NAXD: variants seen among roughly 807,000 people sequenced by gnomAD.
The protein encoded by NAXD is ATP-dependent (S)-NAD(P)H-hydrate dehydratase.
Under a neutral mutation model 35.8 loss-of-function variants are expected in NAXD, and 22 were observed. That is an observed-to-expected ratio of 0.62 (90% CI 0.44 to 0.88). NAXD has a LOEUF of 0.88. Ranked by LOEUF, NAXD falls within the 40% of genes least tolerant of loss-of-function variation. The probability of loss-of-function intolerance (pLI) is 0.00; values close to 1 mark genes in which losing one functional copy is unlikely to be tolerated. For missense variants in NAXD, 428 were observed against 437.7 expected, an observed-to-expected ratio of 0.98 and a Z score of 0.20; for synonymous variants, 189 against 177.6, an observed-to-expected ratio of 1.06 and a Z score of -0.51.
intron 2 of NAXD, among the ~76,000 whole-genome samples, chr13:110,622,718 A>G (rs1566614681): frequency 6.6e-6 from 1 of 152,202 alleles, no homozygotes; most frequent in Non-Finnish European, 1.5e-5. Context: ...TTACTTTGTC[A>G]ATTTAAAGAT....
In NAXD at chr13:110,637,872, C is replaced by T. The variant is rs9588213; in HGVS notation, c.840-506C>T. 1.2e-3 allele frequency: 581 copies of T among 480,992 alleles called. 2 individuals are homozygous for T. Among genetic ancestry groups the T allele is most frequent in the African/African-American group, 9.9e-3 (509 of 51,324 alleles). 29.8% of individuals were successfully genotyped at this position (480,992 alleles called of 1,614,324 possible). A position where few individuals can be genotyped will look rare whatever the true frequency, so the allele number is the denominator to read the frequency against. On this transcript the variant is annotated intron_variant, in intron 9 of 9. Transcript: ENST00000680254. ...TTGCCGGGATGGCAGAGTCTGGGAC[C>T]ATCCCCCAAACTAGGTGTGTCCACA...
rs765214795 is a variant in NAXD, at chr13:110,635,521, C to T, written c.651C>T (p.Ser217=). 5.0e-6 allele frequency: 8 copies of T among 1,614,046 alleles called. No homozygotes were observed. In the Admixed American group the frequency reaches 5.0e-5, roughly 10 times the overall value. The change falls in exon 8 of 10, where the codon AGC becomes AGT. Residue 217 remains serine (S), a synonymous_variant. Coordinates refer to ENST00000680254, the MANE Select transcript of NAXD (RefSeq NM_001242882.2). ...GCCATGGATCTGTGCTAAGACTCAG[C>T]CAAGCCCTGGGCAACGTGACGGTGG... The part of the protein sequence containing the change: ...DDSHGSVLRL[S]QALGNVTVVQ...
chr13:110,638,566 G>A lies in NAXD; in HGVS notation c.*38G>A. The A allele has an allele frequency of 6.2e-7, 1 of 1,609,438 alleles. No individual in the cohort carries two copies. The highest frequency in any genetic ancestry group is 8.5e-7 in the Non-Finnish European group (1 of 1,178,098). On this transcript the variant is annotated 3_prime_UTR_variant, in exon 10 of 10. Coordinates refer to ENST00000680254, the MANE Select transcript of NAXD (RefSeq NM_001242882.2). This position sits in a 1 kb window ranked among gnomAD's most constrained non-coding sequence, Gnocchi z 5.4. ...CAGAAGTAAACAGGCACCTTGGACG[G>A]GGGAGAGCGTGTGTGTGATGGGAAA...
rs1401641096 is a variant in NAXD at position 110,635,579 on chromosome 13, G to A, written c.709G>A (p.Gly237Ser). The change falls in exon 8 of 10, where the codon GGC (glycine) becomes AGC (serine). Residue 237 changes from glycine to serine, a missense_variant. By Grantham distance (56) the Gly-to-Ser change is moderately conservative (BLOSUM62 0). Coordinates refer to ENST00000680254, the MANE Select transcript of NAXD (RefSeq NM_001242882.2). ...QKGERDILSN[G>S]QQVLVCSQEG... is the part of the protein sequence containing the mutation. ...AGGAGAGCGCGACATCCTCTCCAAC[G>A]GCCAGCAGGGTGAGTGGCGGCTGCC... 2 of 1,614,026 alleles carry A rather than the reference G, an allele frequency of 1.2e-6. No individual in the cohort carries two copies. Among genetic ancestry groups the A allele is most frequent in the Non-Finnish European group, 1.7e-6 (2 of 1,180,008 alleles).
chr13:110,638,754 C>T lies in NAXD; in HGVS notation c.*226C>T. 1 of 692,692 alleles carries T rather than the reference C, an allele frequency of 1.4e-6. No individual in the cohort carries two copies. The highest frequency in any genetic ancestry group is 2.6e-6 in the Non-Finnish European group (1 of 379,810). 42.9% of individuals were successfully genotyped at this position (692,692 alleles called of 1,614,324 possible). A position where few individuals can be genotyped will look rare whatever the true frequency, so the allele number is the denominator to read the frequency against. On this transcript the variant is annotated 3_prime_UTR_variant, in exon 10 of 10. Transcript: ENST00000680254. This position sits in a 1 kb window ranked among gnomAD's most constrained non-coding sequence, Gnocchi z 5.4. ...TATGGCGACACTAAACAAAGTATTC[C>T]TGAACTTTCCTTAGCTCCTTGGTAG...
chr13:110,634,916 C>A, intron 7 of NAXD, 140 bp downstream of exon 7: 1 of 675,240 alleles, frequency 1.5e-6, no homozygotes, highest in Non-Finnish European at 2.6e-6. Flanking sequence ...CAGCGGATGG[C>A]GCGTCTTCCC....
In NAXD at chr13:110,627,465, T is replaced by A; in HGVS notation, c.359T>A (p.Val120Glu). 2 of 1,614,076 alleles carry A rather than the reference T, an allele frequency of 1.2e-6. No individual in the cohort carries two copies. The highest frequency in any genetic ancestry group is 1.7e-6 in the Non-Finnish European group (2 of 1,179,930). ...VLDSPNAVHE[V>E]EKWLPRLHAL... The stretch of plus-strand genomic sequence containing the variant: ...GACAGCCCCAATGCTGTTCATGAGG[T>A]GGAGAAGTGGCTGCCCCGGCTGCAT... The change falls in exon 5 of 10, where the codon GTG (valine) becomes GAG (glutamate). Residue 120 changes from valine (V) to glutamate (E), a missense_variant. This residue lies in a region of NAXD where 208 missense variants were observed against 193.0 expected (regional missense o/e 1.08). Coordinates refer to ENST00000680254, the MANE Select transcript of NAXD (RefSeq NM_001242882.2).
intron 1 of NAXD, among the ~76,000 whole-genome samples, chr13:110,620,876 C>G (rs1196218314): frequency 3.9e-5 from 6 of 152,186 alleles, no homozygotes; most frequent in Admixed American, 3.3e-4. Flanking sequence ...TGAAAAAATA[C>G]TGTTTATATT....
intron 5 of NAXD, among the ~76,000 whole-genome samples, chr13:110,627,790 G>A (rs1401121554): frequency 6.6e-6 from 1 of 152,214 alleles, no homozygotes; most frequent in Non-Finnish European, 1.5e-5. Context: ...TGTGTGTGTG[G>A]AGTTGCTCAG....
chr13:110,628,898 A>G lies in NAXD; in HGVS notation c.441+1351A>G, dbSNP rs978573265. On this transcript the variant is annotated intron_variant, in intron 5 of 9. Transcript: ENST00000680254. The surrounding 1 kb of genome is among the most constrained non-coding windows in gnomAD (Gnocchi z 4.1). ...TTCAGGTTATTTTCTTTGTGAATTT[A>G]AGTTCACAATTTAAAAACTGGTATC... 1.3e-5 allele frequency among the ~76,000 whole-genome samples: 2 copies of G among 152,142 alleles called. No homozygotes were observed. Among genetic ancestry groups the G allele is most frequent in the Admixed American group, 1.3e-4 (2 of 15,280 alleles).
At chr13:110,636,133 G>A (rs889355325) in intron 8 of NAXD, among the ~76,000 whole-genome samples, 1 of 152,242 alleles carries the variant, frequency 6.6e-6, no homozygotes, top group African/African-American at 2.4e-5. Flanking sequence ...TGAGAGCAGG[G>A]CAGAGGCCGG....
chr13:110,617,209 ATTAAC>A (rs1308396282), intron 1 of NAXD, among the ~76,000 whole-genome samples: 2 of 152,230 alleles, frequency 1.3e-5, no homozygotes, highest in Non-Finnish European at 2.9e-5. Flanking sequence ...TATAACTCAC[ATTAAC>A]TTAAAGTATT....
chr13:110,631,215 C>G (rs1400833044), intron 5 of NAXD, among the ~76,000 whole-genome samples: 1 of 152,182 alleles, frequency 6.6e-6, no homozygotes, highest in African/African-American at 2.4e-5. Context: ...ACAGTGTGTC[C>G]TGGAGACTTT....
chr13:110,638,271 G>T lies in NAXD; in HGVS notation c.840-107G>T, dbSNP rs771880445. On this transcript the variant is annotated intron_variant, in intron 9 of 9. Transcript: ENST00000680254. This position sits in a 1 kb window ranked among gnomAD's most constrained non-coding sequence, Gnocchi z 5.4. ...ATATCAGACTTGAAATTGACAATTT[G>T]GGGTCCTGAGATTGAAACAGGAGTC... 1 of 1,586,026 alleles carries T rather than the reference G, an allele frequency of 6.3e-7. No homozygotes were observed. The highest frequency in any genetic ancestry group is 1.1e-5 in the South Asian group (1 of 87,000).
At position 110,638,329 on chromosome 13, in the gene NAXD, G is replaced by A. The variant is rs2139655887; in HGVS notation, c.840-49G>A. 1.9e-6 allele frequency: 3 copies of A among 1,613,358 alleles called. No homozygotes were observed. The highest frequency in any genetic ancestry group is 2.5e-6 in the Non-Finnish European group (3 of 1,179,726). On this transcript the variant is annotated intron_variant, in intron 9 of 9. Transcript: ENST00000680254. This position sits in a 1 kb window ranked among gnomAD's most constrained non-coding sequence, Gnocchi z 5.4. The stretch of plus-strand genomic sequence containing the variant: ...GAGCCCAGGGTAGCTGCGGCCCCCG[G>A]ACCACGACGCCCACTTCCCCACACC...
chr13:110,639,867 G>A lies in NAXD; in HGVS notation c.*1339G>A, dbSNP rs1256632060. 8 of 152,114 alleles carry A rather than the reference G, an allele frequency of 5.3e-5. No homozygotes were observed. The highest frequency in any genetic ancestry group is 1.4e-4 in the African/African-American group (6 of 41,394). The allele number at this position is 152,114 out of a possible 1,614,324, so 9.4% of individuals were successfully genotyped here. Reference sequence around the variant, plus strand: ...AAAAGATTGTCACTACTAATTTGACGCCTAACTTCAGAAGCTTCACTGTCT... The same window carrying A: ...AAAAGATTGTCACTACTAATTTGACACCTAACTTCAGAAGCTTCACTGTCT... On this transcript the variant is annotated 3_prime_UTR_variant, in exon 10 of 10. Transcript: ENST00000680254.
intron 2 of NAXD, among the ~76,000 whole-genome samples, chr13:110,623,949 C>G (rs1030067196): frequency 4.6e-5 from 7 of 151,264 alleles, no homozygotes; most frequent in African/African-American, 7.3e-5. Context: ...TTGCAATGAG[C>G]CAAGATCGTG....
intron 9 of NAXD, chr13:110,637,795 G>A (rs765044122): frequency 4.3e-6 from 2 of 463,472 alleles, no homozygotes; most frequent in Non-Finnish European, 8.6e-6. Flanking sequence ...TGGCAGACCC[G>A]GGCTTCTGGA....
At chr13:110,636,370 C>T (rs1316965151) in intron 8 of NAXD, among the ~76,000 whole-genome samples, 1 of 129,202 alleles carries the variant, frequency 7.7e-6, no homozygotes, top group East Asian at 2.2e-4. Flanking sequence ...TGTGCACACG[C>T]ATGCAATTCA....
Sources: gnomAD v4.1 joint callset for allele counts (sites outside exome capture counted in the v4.1 genomes callset) on GRCh38, gnomAD v4.1.1 for gene constraint, gnomAD v4.1.1 regional missense constraint, Gnocchi (gnomAD v3.1) non-coding constraint, MANE v1.5 for transcripts, NCBI Gene and HGNC (gene_info 2026-07-23, HGNC 2026-07-21) for gene names.